The following PACRG variants were observed in gnomAD, a reference collection of about 807,000 sequenced individuals.
PACRG encodes parkin coregulated gene protein.
Under a neutral mutation model 29.7 loss-of-function variants are expected in PACRG, and 29 were observed. The ratio of observed to expected loss-of-function variants is 0.98; its 90% CI spans 0.73 to 1.33. The LOEUF is 1.33. Among genes scored for constraint, PACRG ranks in the 40% most tolerant of loss-of-function variants. The pLI, the probability that PACRG is intolerant of heterozygous loss-of-function variation, is 0.00. For synonymous variants in PACRG, 116 were observed against 118.7 expected (o/e 0.98, Z 0.15); for missense variants, 279 against 316.2 (o/e 0.88, Z 0.89).
chr6:163,009,923 T>A (rs542787794), intron 2 of PACRG, among the ~76,000 whole-genome samples: 1 of 152,382 alleles, frequency 6.6e-6, no homozygotes, highest in Non-Finnish European at 1.5e-5. Flanking sequence ...TACATTTATA[T>A]GTTTGTGTTT....
chr6:163,154,718 A>G (rs1298104960), intron 4 of PACRG, among the ~76,000 whole-genome samples: 4 of 152,236 alleles, frequency 2.6e-5, no homozygotes, highest in African/African-American at 9.6e-5. Context: ...GAAATATTTA[A>G]GACATGCTTA....
chr6:162,926,210 A>G (rs1038156702), intron 2 of PACRG, among the ~76,000 whole-genome samples: 1 of 152,118 alleles, frequency 6.6e-6, no homozygotes, highest in Admixed American at 6.6e-5. Context: ...AATCAATATC[A>G]TGAAAATGGC....
intron 4 of PACRG, among the ~76,000 whole-genome samples, chr6:163,111,427 G>A (rs1450892644): frequency 6.6e-6 from 1 of 152,188 alleles, no homozygotes; most frequent in African/African-American, 2.4e-5. Context: ...GCATAATGAG[G>A]CATTTATACA....
chr6:163,310,511 A>C (rs1785371414), intron 4 of PACRG: 2 of 152,212 alleles, frequency 1.3e-5, no homozygotes, highest in African/African-American at 4.8e-5. Context: ...CCTGTGAAAC[A>C]GCTGCAGCTG....
intron 2 of PACRG, chr6:163,052,114 A>G (rs2128248827): frequency 6.6e-6 from 1 of 152,240 alleles, no homozygotes; most frequent in East Asian, 1.9e-4. Context: ...TAGTACATCT[A>G]CTTGTAAAAT....
intron 1 of PACRG, among the ~76,000 whole-genome samples, chr6:162,786,416 A>T (rs1037260822): frequency 2.0e-5 from 3 of 152,352 alleles, no homozygotes; most frequent in Admixed American, 1.3e-4. Flanking sequence ...ACAGTTAGAT[A>T]TATCTATTTT....
intron 2 of PACRG, among the ~76,000 whole-genome samples, chr6:162,933,624 T>TA (rs1798020588): frequency 8.2e-6 from 1 of 121,500 alleles, no homozygotes; most frequent in Non-Finnish European, 1.8e-5. Flanking sequence ...TTTTTTTTTT[T>TA]ACTTAAAGTC....
chr6:163,278,247 AG>A, intron 4 of PACRG, among the ~76,000 whole-genome samples: 1 of 152,260 alleles, frequency 6.6e-6, no homozygotes, highest in Admixed American at 6.5e-5. Flanking sequence ...GTACTTTATC[AG>A]GTGTATATAG....
chr6:163,237,231 G>GT (rs1007456938), intron 4 of PACRG, among the ~76,000 whole-genome samples: 11 of 151,788 alleles, frequency 7.2e-5, no homozygotes, highest in Non-Finnish European at 1.3e-4. Context: ...GGTGGGTGGG[G>GT]TTTTTTTGGC....
At chr6:162,999,397 G>T (rs113186747) in intron 2 of PACRG, among the ~76,000 whole-genome samples, 104 of 152,306 alleles carry the variant, frequency 6.8e-4, no homozygotes, top group African/African-American at 2.3e-3. Flanking sequence ...TGTGCAAGTT[G>T]TTTACTGGCC....
upstream of PACRG, chr6:162,727,571 C>G: frequency 7.3e-7 from 1 of 1,365,798 alleles, no homozygotes; most frequent in Non-Finnish European, 1.0e-6. Context: ...ACAGTTGGCA[C>G]CGGGGGTCCT....
At chr6:162,896,413 A>C (rs62427506) in intron 2 of PACRG, among the ~76,000 whole-genome samples, 3,339 of 152,274 alleles carry the variant, frequency 0.022, 100 homozygotes, top group Admixed American at 0.085. Context: ...TTATTATGTG[A>C]AGGTCCAGGG....
intron 2 of PACRG, among the ~76,000 whole-genome samples, chr6:163,035,300 G>A (rs1032581608): frequency 6.6e-6 from 1 of 151,964 alleles, no homozygotes; most frequent in African/African-American, 2.4e-5. Flanking sequence ...ATCACCTAAG[G>A]TCAGGAGTTC....
At chr6:162,793,444 T>A (rs1785118174) in intron 1 of PACRG, among the ~76,000 whole-genome samples, 1 of 152,188 alleles carries the variant, frequency 6.6e-6, no homozygotes, top group Non-Finnish European at 1.5e-5. Flanking sequence ...AACAGCTCCT[T>A]GATTTCTTCA....
chr6:163,185,536 A>G (rs1779878004), intron 4 of PACRG, among the ~76,000 whole-genome samples: 1 of 152,222 alleles, frequency 6.6e-6, no homozygotes, highest in African/African-American at 2.4e-5. Context: ...AAAGTATTAG[A>G]TAATCAAAGA....
At chr6:163,187,523 T>C (rs13198883) in intron 4 of PACRG, 13,851 of 152,320 alleles carry the variant, frequency 0.091, 671 homozygotes, top group South Asian at 0.13. Flanking sequence ...TGCTGCAACG[T>C]TGACAGCCCC....
chr6:163,205,375 C>G (rs1585330869), intron 4 of PACRG, among the ~76,000 whole-genome samples: 1 of 152,052 alleles, frequency 6.6e-6, no homozygotes, highest in Non-Finnish European at 1.5e-5. Context: ...ACACATAAAC[C>G]AATGGAACAG....
At chr6:162,892,780 T>C (rs1794861018) in intron 2 of PACRG, among the ~76,000 whole-genome samples, 1 of 152,248 alleles carries the variant, frequency 6.6e-6, no homozygotes, top group Admixed American at 6.5e-5. Context: ...AGATGGAAAG[T>C]CGGGAGTGAG....
chr6:162,968,295 T>C (rs1475545170), intron 2 of PACRG, among the ~76,000 whole-genome samples: 6 of 152,246 alleles, frequency 3.9e-5, no homozygotes, highest in Non-Finnish European at 5.9e-5. Context: ...AAATTCAAGA[T>C]ATGCGTGTGT....
Sources: allele counts gnomAD v4.1 joint callset (sites outside exome capture counted in the v4.1 genomes callset), GRCh38; gene constraint gnomAD v4.1.1; transcripts MANE v1.5; gene names NCBI Gene and HGNC (gene_info 2026-07-23, HGNC 2026-07-21).